The following MIDEAS variants were observed in gnomAD, a reference collection of about 807,000 sequenced individuals.
The protein encoded by MIDEAS is mitotic deacetylase-associated SANT domain protein.
Under a neutral mutation model 102.7 loss-of-function variants are expected in MIDEAS, and 26 were observed. The ratio of observed to expected loss-of-function variants is 0.25; its 90% CI spans 0.19 to 0.35. The LOEUF (loss-of-function observed/expected upper bound fraction) is 0.35. Among genes scored for constraint, MIDEAS ranks in the 10% least tolerant of loss-of-function variants. MIDEAS has a pLI of 1.00. For missense variants in MIDEAS, 1,231 were observed against 1,435.6 expected, an observed-to-expected ratio of 0.86 and a Z score of 2.30; for synonymous variants, 585 against 591.0, an observed-to-expected ratio of 0.99 and a Z score of 0.15.
At chr14:73,751,872 C>T (rs556715217) in intron 1 of MIDEAS, among the ~76,000 whole-genome samples, 1 of 152,244 alleles carries the variant, frequency 6.6e-6, no homozygotes, top group Non-Finnish European at 1.5e-5. Context: ...TGCACTCCAG[C>T]CTGGGCGACA....
chr14:73,739,154 G>C lies in MIDEAS; in HGVS notation c.855C>G (p.Pro285=). 6.2e-7 allele frequency: 1 copy of C among 1,613,786 alleles called. No homozygotes were observed. The highest frequency in any genetic ancestry group is 8.5e-7 in the Non-Finnish European group (1 of 1,179,846). The change falls in exon 2 of 13, where the codon CCC becomes CCG. Residue 285 remains proline, a synonymous_variant. Coordinates refer to ENST00000423556, the MANE Select transcript of MIDEAS (RefSeq NM_001367710.1). ...YSMPQQPSQQ[P]QDFGLQPAGP... Reference sequence around the variant, plus strand: ...CAGCTGGCTGCAGGCCAAAGTCCTGGGGTTGCTGCGAGGGTTGCTGCGGCA... The same window carrying C: ...CAGCTGGCTGCAGGCCAAAGTCCTGCGGTTGCTGCGAGGGTTGCTGCGGCA...
chr14:73,739,806 C>G lies in MIDEAS; in HGVS notation c.203G>C (p.Ser68Thr), dbSNP rs781335331. The G allele has an allele frequency of 3.1e-6, 5 of 1,613,188 alleles. No homozygotes were observed. Among genetic ancestry groups the G allele is most frequent in the Non-Finnish European group, 4.2e-6 (5 of 1,179,514 alleles). Residue 68 changes from serine to threonine, a missense_variant, in exon 2 of 13, where the codon AGC becomes ACC. By Grantham distance (58) the Ser-to-Thr change is moderately conservative. Coordinates refer to ENST00000423556, the MANE Select transcript of MIDEAS (RefSeq NM_001367710.1). Reference sequence around the variant, plus strand: ...CACAGAGTTCAGCAGGGCCAGGCTGCTAGGAGGGGGCAGTTCCACAGGCTG... The same window carrying G: ...CACAGAGTTCAGCAGGGCCAGGCTGGTAGGAGGGGGCAGTTCCACAGGCTG... ...TSQPVELPPPSSLALLNSVVY... is the reference protein window; with the variant it reads ...TSQPVELPPPTSLALLNSVVY...
In MIDEAS at chr14:73,719,014, G is replaced by A; in HGVS notation, c.3135-6C>T. On this transcript the variant is annotated splice_polypyrimidine_tract_variant and splice_region_variant and intron_variant, in intron 12 of 12. Coordinates refer to ENST00000423556, the MANE Select transcript of MIDEAS (RefSeq NM_001367710.1). The stretch of plus-strand genomic sequence containing the variant: ...TCTTCACCTTGTAAAACACCCTGCA[G>A]CCGGGTGGGGGTTGCTCAGAACCGG... 1 of 1,472,930 alleles carries A rather than the reference G, an allele frequency of 6.8e-7. No homozygotes were observed. The highest frequency in any genetic ancestry group is 8.9e-7 in the Non-Finnish European group (1 of 1,119,390). The allele number at this position is 1,472,930 out of a possible 1,614,324, so 91.2% of individuals were successfully genotyped here. A position where few individuals can be genotyped will look rare whatever the true frequency, so the allele number is the denominator to read the frequency against.
chr14:73,786,208 A>G (rs1470277012), intron 1 of MIDEAS, among the ~76,000 whole-genome samples: 2 of 152,120 alleles, frequency 1.3e-5, no homozygotes, highest in South Asian at 4.1e-4. Context: ...CCGGGCCGCC[A>G]GCCCCTAGTT....
upstream of MIDEAS, among the ~76,000 whole-genome samples, chr14:73,788,506 A>G (rs768376330): frequency 1.3e-5 from 2 of 152,360 alleles, no homozygotes; most frequent in Non-Finnish European, 2.9e-5. Context: ...AGACTCACCC[A>G]AAGATAGGCG....
chr14:73,756,312 G>A (rs902651667), intron 1 of MIDEAS, among the ~76,000 whole-genome samples: 28 of 151,864 alleles, frequency 1.8e-4, no homozygotes, highest in Admixed American at 5.2e-4. Context: ...GCGCGTGCGC[G>A]CTGAGGTGGA....
intron 4 of MIDEAS, chr14:73,729,232 T>A (rs1424774312): frequency 6.0e-6 from 1 of 166,274 alleles, no homozygotes; most frequent in Non-Finnish European, 1.3e-5. Flanking sequence ...GCTTTATGTG[T>A]GCTAATGCAC....
Position 73,726,857 on chromosome 14 carries a change from C to G in MIDEAS, c.2278G>C (p.Glu760Gln). 1 of 1,612,408 alleles carries G rather than the reference C, an allele frequency of 6.2e-7. No homozygotes were observed. The highest frequency in any genetic ancestry group is 8.5e-7 in the Non-Finnish European group (1 of 1,178,688). The change falls in exon 6 of 13, where the codon GAG (glutamate) becomes CAG (glutamine). Residue 760 changes from glutamate (E) to glutamine (Q), a missense_variant. Coordinates refer to ENST00000423556, the MANE Select transcript of MIDEAS (RefSeq NM_001367710.1). Reference sequence around the variant, plus strand: ...TGCCTCTGCTTCTCCCGGCTGCTCTCTAGGTCCTCCCATGGCTGCCACACC... The same window carrying G: ...TGCCTCTGCTTCTCCCGGCTGCTCTGTAGGTCCTCCCATGGCTGCCACACC... The part of the protein sequence containing the change: ...DLVWQPWEDL[E>Q]SSREKQRQVE...
intron 1 of MIDEAS, among the ~76,000 whole-genome samples, chr14:73,773,519 G>C (rs2053660679): frequency 6.6e-6 from 1 of 151,790 alleles, no homozygotes; most frequent in Non-Finnish European, 1.5e-5. Flanking sequence ...CACCACTCAG[G>C]TTTCTCCAAG....
intron 3 of MIDEAS, among the ~76,000 whole-genome samples, chr14:73,730,431 T>C (rs2053123555): frequency 6.6e-6 from 1 of 152,188 alleles, no homozygotes; most frequent in African/African-American, 2.4e-5. Flanking sequence ...CTACCACCTT[T>C]ATTGCCACTG....
At chr14:73,758,260 C>G (rs982972858) in intron 1 of MIDEAS, among the ~76,000 whole-genome samples, 1 of 152,238 alleles carries the variant, frequency 6.6e-6, no homozygotes, top group African/African-American at 2.4e-5. Flanking sequence ...CTCCTTTTCC[C>G]TGGGTTCTGA....
chr14:73,739,950 C>T lies in MIDEAS; in HGVS notation c.59G>A (p.Gly20Asp), dbSNP rs1456266032. The part of the protein sequence containing the change: ...QNKRKRCLFG[G>D]QEPAPKEQPP... ...CTGCTCCTTGGGAGCTGGTTCCTGG[C>T]CCCCGAAGAGGCAACGCTTCCGCTT... Residue 20 changes from glycine to aspartate, a missense_variant, in exon 2 of 13, where the codon GGC becomes GAC. Gly to Asp is a moderately conservative substitution (Grantham distance 94, BLOSUM62 -1). Around this residue, in one of 5 missense-constraint regions of MIDEAS, gnomAD observed 758 missense variants for 856.0 expected, o/e 0.89. Coordinates refer to ENST00000423556, the MANE Select transcript of MIDEAS (RefSeq NM_001367710.1). 9 of 1,515,866 alleles carry T rather than the reference C, an allele frequency of 5.9e-6. No individual in the cohort carries two copies. In the East Asian group the frequency reaches 1.1e-4, roughly 19 times the overall value. 93.9% of individuals were successfully genotyped at this position (1,515,866 alleles called of 1,614,324 possible). A position where few individuals can be genotyped will look rare whatever the true frequency, so the allele number is the denominator to read the frequency against.
Position 73,725,257 on chromosome 14 carries a change from C to CA in MIDEAS, c.2574+14dup. The CA allele has an allele frequency of 6.2e-7, 1 of 1,612,128 alleles. No homozygotes were observed. The highest frequency in any genetic ancestry group is 8.5e-7 in the Non-Finnish European group (1 of 1,178,210). On this transcript the variant is annotated intron_variant, in intron 9 of 12. Transcript: ENST00000423556. This position sits in a 1 kb window ranked among gnomAD's most constrained non-coding sequence, Gnocchi z 4.1. ...CTCCTGGCCCTCATTTGCCCTGAAA[C>CA]AGAGCCCAGCTCACCAGCTTCTGCA...
At chr14:73,728,745 G>A (rs72721756) in intron 4 of MIDEAS, 1,793 of 152,346 alleles carry the variant, frequency 0.012, 8 homozygotes, top group Non-Finnish European at 0.018. Flanking sequence ...AAGGCCTTAC[G>A]CCCGAGTGTT....
intron 11 of MIDEAS, among the ~76,000 whole-genome samples, chr14:73,720,763 C>T (rs987017236): frequency 6.6e-6 from 1 of 152,146 alleles, no homozygotes; most frequent in Non-Finnish European, 1.5e-5. Context: ...CTGCTTTCCC[C>T]CATCTGCAGA....
chr14:73,784,437 C>G (rs1366559086), intron 1 of MIDEAS, among the ~76,000 whole-genome samples: 1 of 152,240 alleles, frequency 6.6e-6, no homozygotes, highest in Non-Finnish European at 1.5e-5. Flanking sequence ...CCCGCAGCTC[C>G]CTGGAGCCTG....
chr14:73,746,576 C>T (rs1340086627), intron 1 of MIDEAS, among the ~76,000 whole-genome samples: 1 of 152,172 alleles, frequency 6.6e-6, no homozygotes, highest in East Asian at 1.9e-4. Flanking sequence ...GTCTCTATGC[C>T]CTATACAGCT....
intron 3 of MIDEAS, 90 bp downstream of exon 3, chr14:73,736,908 C>T (rs2053207321): frequency 7.5e-7 from 1 of 1,327,236 alleles, no homozygotes; most frequent in Non-Finnish European, 1.0e-6. Flanking sequence ...TGATACCTTC[C>T]TACATTGCCA....
chr14:73,778,384 G>C (rs1434983283), intron 1 of MIDEAS, among the ~76,000 whole-genome samples: 2 of 151,676 alleles, frequency 1.3e-5, no homozygotes, highest in Non-Finnish European at 2.9e-5. Flanking sequence ...AAACGTGATG[G>C]GGAAGGTCAC....
Sources: gnomAD v4.1 joint callset for allele counts (sites outside exome capture counted in the v4.1 genomes callset) on GRCh38, gnomAD v4.1.1 for gene constraint, gnomAD v4.1.1 regional missense constraint, Gnocchi (gnomAD v3.1) non-coding constraint, MANE v1.5 for transcripts, NCBI Gene and HGNC (gene_info 2026-07-23, HGNC 2026-07-21) for gene names.